MFSD2B: variants seen among roughly 807,000 people sequenced by gnomAD.
MFSD2B encodes sphingosine-1-phosphate transporter MFSD2B.
MFSD2B carries 56 observed loss-of-function variants against 58.4 expected under a neutral mutation model. The ratio of observed to expected loss-of-function variants is 0.96; its 90% confidence interval spans 0.77 to 1.20. MFSD2B has a LOEUF of 1.20. Ranked by LOEUF, MFSD2B falls within the 50% of genes most tolerant of loss-of-function variation. The probability of loss-of-function intolerance (pLI) is 0.00; values close to 1 mark genes in which losing one functional copy is unlikely to be tolerated. For missense variants in MFSD2B, 645 were observed against 667.6 expected (o/e 0.97, Z 0.37); for synonymous variants, 287 against 294.4 (o/e 0.97, Z 0.26).
chr2:24,026,484 T>C lies in MFSD2B; in HGVS notation c.*1028T>C, dbSNP rs1467408646. On this transcript the variant is annotated 3_prime_UTR_variant, in exon 14 of 14. Coordinates refer to ENST00000338315, the MANE Select transcript of MFSD2B (RefSeq NM_001346880.2). Reference sequence around the variant, plus strand: ...TTGCCAGAGAAACCAACCATGTGATTAGAAGGTTGAAACTTTCAGCCTTAT... The same window carrying C: ...TTGCCAGAGAAACCAACCATGTGATCAGAAGGTTGAAACTTTCAGCCTTAT... 6.6e-6 allele frequency: 1 copy of C among 152,208 alleles called. No individual in the cohort carries two copies. Among genetic ancestry groups the C allele is most frequent in the Non-Finnish European group, 1.5e-5 (1 of 68,044 alleles). 9.4% of individuals were successfully genotyped at this position (152,208 alleles called of 1,614,324 possible).
chr2:24,026,350 T>C lies in MFSD2B; in HGVS notation c.*894T>C, dbSNP rs1213430642. ...ACAGAGCTTCTAAAATGCTAGTAAC[T>C]TCCTGAGTGGTAGGGGTGAGGGGAA... On this transcript the variant is annotated 3_prime_UTR_variant, in exon 14 of 14. Coordinates refer to ENST00000338315, the MANE Select transcript of MFSD2B (RefSeq NM_001346880.2). The C allele has an allele frequency of 6.6e-6, 1 of 152,218 alleles. No homozygotes were observed. Among genetic ancestry groups the C allele is most frequent in the African/African-American group, 2.4e-5 (1 of 41,460 alleles). The allele number at this position is 152,218 out of a possible 1,614,324, so 9.4% of individuals were successfully genotyped here. A position where few individuals can be genotyped will look rare whatever the true frequency, so the allele number is the denominator to read the frequency against.
Position 24,017,598 on chromosome 2 carries a change from C to T in MFSD2B, c.681+10C>T, listed in dbSNP as rs781733870. The T allele has an allele frequency of 7.8e-6, 12 of 1,542,538 alleles. No homozygotes were observed. The highest frequency in any genetic ancestry group is 2.7e-5 in the African/African-American group (2 of 73,164). ...TGTCTCCCCGAATGCAGTAAGTGCA[C>T]TGGGTGGCAAGGCCCCCCAACCTGG... On this transcript the variant is annotated intron_variant, in intron 6 of 13. Transcript: ENST00000338315. The surrounding 1 kb of genome is among the most constrained non-coding windows in gnomAD (Gnocchi z 4.8).
Position 24,025,878 on chromosome 2 carries a change from C to A in MFSD2B, c.*422C>A, listed in dbSNP as rs539571315. 267 of 165,354 alleles carry A rather than the reference C, an allele frequency of 1.6e-3. 2 individuals are homozygous for A. Among genetic ancestry groups the A allele is most frequent in the African/African-American group, 6.1e-3 (255 of 41,996 alleles). 10.2% of individuals were successfully genotyped at this position (165,354 alleles called of 1,614,324 possible). A position where few individuals can be genotyped will look rare whatever the true frequency, so the allele number is the denominator to read the frequency against. ...AGCTGGGACTACAGGTGCCCGCCAC[C>A]ACGCCCAGCTAATTTTTGTATTTTT... On this transcript the variant is annotated 3_prime_UTR_variant, in exon 14 of 14. Coordinates refer to ENST00000338315, the MANE Select transcript of MFSD2B (RefSeq NM_001346880.2).
rs139240820 is a variant in MFSD2B, at chr2:24,024,707, G to A, written c.1490+436G>A. ...CAAGCCTGGCACTCAGTCTCGATGA[G>A]CCTCAATGGAACTCATCTTGTCCCC... On this transcript the variant is annotated intron_variant, in intron 13 of 13. Transcript: ENST00000338315. The surrounding 1 kb of genome is among the most constrained non-coding windows in gnomAD (Gnocchi z 4.3). Among the ~76,000 whole-genome samples the A allele has an allele frequency of 4.2e-4, 64 of 152,196 alleles. No individual in the cohort carries two copies. In the East Asian group the frequency reaches 0.011, roughly 26 times the overall value.
At position 24,017,419 on chromosome 2, in the gene MFSD2B, A is replaced by C. The variant is rs1331847572; in HGVS notation, c.551-39A>C. 1.3e-6 allele frequency: 2 copies of C among 1,596,004 alleles called. No individual in the cohort carries two copies. The highest frequency in any genetic ancestry group is 1.7e-5 in the Admixed American group (1 of 57,502). On this transcript the variant is annotated intron_variant, in intron 5 of 13. Coordinates refer to ENST00000338315, the MANE Select transcript of MFSD2B (RefSeq NM_001346880.2). This position sits in a 1 kb window ranked among gnomAD's most constrained non-coding sequence, Gnocchi z 4.8. Reference sequence around the variant, plus strand: ...GGGAGGCAACTGCCCCTGGGACCCCACTCCCTCTCAGTCACCTTAAGTGGC... The same window carrying C: ...GGGAGGCAACTGCCCCTGGGACCCCCCTCCCTCTCAGTCACCTTAAGTGGC...
In MFSD2B at chr2:24,016,706, T is replaced by C. The variant is rs1313989328; in HGVS notation, c.348-139T>C. On this transcript the variant is annotated intron_variant, in intron 3 of 13. Transcript: ENST00000338315. The stretch of plus-strand genomic sequence containing the variant: ...CATGACCCATCGGCCACTTCTCCCC[T>C]GCTCCTGGCTCCCACCCAGGGCGCC... 1.1e-5 allele frequency: 11 copies of C among 1,009,280 alleles called. No individual in the cohort carries two copies. The Admixed American group carries it at 1.6e-4, about 14-fold the overall frequency. 62.5% of individuals were successfully genotyped at this position (1,009,280 alleles called of 1,614,324 possible). A position where few individuals can be genotyped will look rare whatever the true frequency, so the allele number is the denominator to read the frequency against.
At position 24,021,916 on chromosome 2, in the gene MFSD2B, C is replaced by T; in HGVS notation, c.840C>T (p.His280=). 1.2e-6 allele frequency: 2 copies of T among 1,614,020 alleles called. No homozygotes were observed. Among genetic ancestry groups the T allele is most frequent in the East Asian group, 2.2e-5 (1 of 44,890 alleles). Residue 280 remains histidine (H), a synonymous_variant, in exon 8 of 14, where the codon CAC becomes CAT. Coordinates refer to ENST00000338315, the MANE Select transcript of MFSD2B (RefSeq NM_001346880.2). This position sits in a 1 kb window ranked among gnomAD's most constrained non-coding sequence, Gnocchi z 5.7. ...FLAGLSLTTR[H]PPYLKLVISF... ...CTGGGCTGAGCCTCACTACCCGGCA[C>T]CCACCCTACCTGAAGCTGGTGATCT...
intron 13 of MFSD2B, 56 bp from the exon 14 acceptor site, chr2:24,025,376 G>A: frequency 6.6e-7 from 1 of 1,513,442 alleles, no homozygotes. Context: ...TCTGCGGCAG[G>A]ACAGAGGGCC....
rs981185650 is a variant in MFSD2B at position 24,020,405 on chromosome 2, T to C, written c.682-1243T>C. ...CTCCAGAGCATGAGGCCCAGGGCGG[T>C]TGCACAGGATGAGTGCCCTGCCCCA... On this transcript the variant is annotated intron_variant, in intron 6 of 13. Coordinates refer to ENST00000338315, the MANE Select transcript of MFSD2B (RefSeq NM_001346880.2). The surrounding 1 kb of genome is among the most constrained non-coding windows in gnomAD (Gnocchi z 4.1). Among the ~76,000 whole-genome samples, 3 of 152,122 alleles carry C rather than the reference T, an allele frequency of 2.0e-5. No homozygotes were observed. Among genetic ancestry groups the C allele is most frequent in the Non-Finnish European group, 2.9e-5 (2 of 68,006 alleles).
chr2:24,013,354 A>G lies in MFSD2B; in HGVS notation c.166A>G (p.Ile56Val). ...TGGCATTGGTGGGGTCCCCAACCAG[A>G]TAGCCTCCAGCGCCACAGCCTTTTA... The part of the protein sequence containing the change: ...CYGIGGVPNQ[I>V]ASSATAFYLQ... The change falls in exon 2 of 14, where the codon ATA becomes GTA. Residue 56 changes from isoleucine to valine, a missense_variant. Ile to Val is a conservative substitution (Grantham distance 29, BLOSUM62 3). Transcript: ENST00000338315. 1 of 1,611,934 alleles carries G rather than the reference A, an allele frequency of 6.2e-7. No homozygotes were observed. The highest frequency in any genetic ancestry group is 1.3e-5 in the African/African-American group (1 of 75,034).
At chr2:24,025,200 G>A (rs1662939902) in intron 13 of MFSD2B, among the ~76,000 whole-genome samples, 1 of 152,228 alleles carries the variant, frequency 6.6e-6, no homozygotes, top group Admixed American at 6.5e-5. Flanking sequence ...GCAGCAGAGA[G>A]ATACTGAGGG....
Position 24,024,376 on chromosome 2 carries a change from C to A in MFSD2B, c.1490+105C>A. The A allele has an allele frequency of 8.5e-7, 1 of 1,171,580 alleles. No individual in the cohort carries two copies. Among genetic ancestry groups the A allele is most frequent in the Non-Finnish European group, 1.2e-6 (1 of 842,888 alleles). 72.6% of individuals were successfully genotyped at this position (1,171,580 alleles called of 1,614,324 possible). The stretch of plus-strand genomic sequence containing the variant: ...TCCCTGCTGTGTCACACAGTCCTGC[C>A]TCTGGGACCTCTTTCCTTAGCTCAG... On this transcript the variant is annotated intron_variant, in intron 13 of 13. Transcript: ENST00000338315. This position sits in a 1 kb window ranked among gnomAD's most constrained non-coding sequence, Gnocchi z 4.3.
At chr2:24,018,236 C>A in intron 6 of MFSD2B, 1 of 165,188 alleles carries the variant, frequency 6.1e-6, no homozygotes, top group Non-Finnish European at 1.3e-5. Flanking sequence ...ATTTTTTAGG[C>A]CAAAAGTCTT....
At chr2:24,025,058 C>T (rs1320501177) in intron 13 of MFSD2B, among the ~76,000 whole-genome samples, 3 of 152,228 alleles carry the variant, frequency 2.0e-5, no homozygotes, top group African/African-American at 7.2e-5. Context: ...GTCCAGCAGA[C>T]GTGCACAAGC....
Position 24,023,303 on chromosome 2 carries a change from G to A in MFSD2B, c.1169+64G>A. ...GGTGTCACCTCCTTCATGTAAACCT[G>A]CCGTCCCAGGCCCCCTGCACCCAGC... On this transcript the variant is annotated intron_variant, in intron 11 of 13. Coordinates refer to ENST00000338315, the MANE Select transcript of MFSD2B (RefSeq NM_001346880.2). The surrounding 1 kb of genome is among the most constrained non-coding windows in gnomAD (Gnocchi z 5.0). The A allele has an allele frequency of 7.3e-7, 1 of 1,367,508 alleles. No individual in the cohort carries two copies. The highest frequency in any genetic ancestry group is 1.0e-6 in the Non-Finnish European group (1 of 963,106). The allele number at this position is 1,367,508 out of a possible 1,614,324, so 84.7% of individuals were successfully genotyped here. A position where few individuals can be genotyped will look rare whatever the true frequency, so the allele number is the denominator to read the frequency against.
Position 24,023,066 on chromosome 2 carries a change from G to T in MFSD2B, c.1060-64G>T, listed in dbSNP as rs563650099. 7.0e-7 allele frequency: 1 copy of T among 1,438,252 alleles called. No homozygotes were observed. The highest frequency in any genetic ancestry group is 9.7e-7 in the Non-Finnish European group (1 of 1,025,898). The allele number at this position is 1,438,252 out of a possible 1,614,324, so 89.1% of individuals were successfully genotyped here. A position where few individuals can be genotyped will look rare whatever the true frequency, so the allele number is the denominator to read the frequency against. On this transcript the variant is annotated intron_variant, in intron 10 of 13. Transcript: ENST00000338315. This position sits in a 1 kb window ranked among gnomAD's most constrained non-coding sequence, Gnocchi z 5.0. ...GCATGGGGGTCGTCAGTCGAGTCGT[G>T]TGTGAAGGAGCAGGCCCCACGAAGA...
At position 24,021,516 on chromosome 2, in the gene MFSD2B, G is replaced by A. The variant is rs1023808474; in HGVS notation, c.682-132G>A. 4 of 755,304 alleles carry A rather than the reference G, an allele frequency of 5.3e-6. No homozygotes were observed. The highest frequency in any genetic ancestry group is 5.2e-5 in the African/African-American group (3 of 58,084). 46.8% of individuals were successfully genotyped at this position (755,304 alleles called of 1,614,324 possible). Reference sequence around the variant, plus strand: ...GTCCTGTGGGGTGATTGGGAGGTGGGGACCCAGCGTCCTGGGCTTGGGTTG... The same window carrying A: ...GTCCTGTGGGGTGATTGGGAGGTGGAGACCCAGCGTCCTGGGCTTGGGTTG... On this transcript the variant is annotated intron_variant, in intron 6 of 13. Transcript: ENST00000338315. This position sits in a 1 kb window ranked among gnomAD's most constrained non-coding sequence, Gnocchi z 5.7.
chr2:24,019,275 GCCCTA>G (rs1314179249), intron 6 of MFSD2B, among the ~76,000 whole-genome samples: 2 of 152,142 alleles, frequency 1.3e-5, no homozygotes, highest in Non-Finnish European at 2.9e-5. Context: ...AGATCCTCAG[GCCCTA>G]CCTCAGTCCT....
rs771700268 is a variant in MFSD2B, at chr2:24,016,143, C to T, written c.223-13C>T. On this transcript the variant is annotated splice_polypyrimidine_tract_variant and intron_variant, in intron 2 of 13. Transcript: ENST00000338315. ...GGGCCTCAGCTCTCTATCCCCTCCC[C>T]TGTCTGTTTCAGATCCCTGCCGCCC... The T allele has an allele frequency of 4.3e-6, 7 of 1,612,982 alleles. No homozygotes were observed. The highest frequency in any genetic ancestry group is 4.2e-6 in the Non-Finnish European group (5 of 1,179,802).
Sources: gnomAD v4.1 joint callset for allele counts (sites outside exome capture counted in the v4.1 genomes callset) on GRCh38, gnomAD v4.1.1 for gene constraint, Gnocchi (gnomAD v3.1) non-coding constraint, MANE v1.5 for transcripts, NCBI Gene and HGNC (gene_info 2026-07-23, HGNC 2026-07-21) for gene names.